SSH2: variants seen among roughly 807,000 people sequenced by gnomAD.
SSH2 encodes slingshot protein phosphatase 2.
In SSH2, 37 loss-of-function variants were observed where a neutral mutation model predicts 135.2. The observed-to-expected ratio is 0.27, with a 90% CI of 0.21 to 0.36. The LOEUF (loss-of-function observed/expected upper bound fraction) is 0.36. Ranked by LOEUF, SSH2 falls within the 10% of genes least tolerant of loss-of-function variation. The pLI is 1.00. For synonymous variants in SSH2, 628 were observed against 646.2 expected (o/e 0.97, Z 0.43); for missense variants, 1,408 against 1,765.3 (o/e 0.80, Z 3.63).
At chr17:29,678,713 CTTTTTTT>C (rs55889704) in intron 6 of SSH2, among the ~76,000 whole-genome samples, 3 of 112,066 alleles carry the variant, frequency 2.7e-5, no homozygotes, top group Admixed American at 1.1e-4. Context: ...AATACTATTT[CTTTTTTT>C]TTTTTTTTTT....
At chr17:29,874,707 T>C (rs1391721341) in intron 1 of SSH2, among the ~76,000 whole-genome samples, 2 of 152,204 alleles carry the variant, frequency 1.3e-5, no homozygotes, top group African/African-American at 2.4e-5. Context: ...TTACCTAGTC[T>C]TGGGTATGAC....
At chr17:29,887,110 T>C (rs149719285) in intron 1 of SSH2, among the ~76,000 whole-genome samples, 42 of 152,324 alleles carry the variant, frequency 2.8e-4, no homozygotes, top group African/African-American at 9.6e-4. Context: ...TTCAACATCA[T>C]GCAGCTTATA....
At chr17:29,699,336 G>C (rs1373604068) in intron 4 of SSH2, among the ~76,000 whole-genome samples, 1 of 152,114 alleles carries the variant, frequency 6.6e-6, no homozygotes, top group African/African-American at 2.4e-5. Flanking sequence ...CAAGAAACAT[G>C]CATAAGGAAG....
At chr17:29,884,378 T>C (rs1352116781) in intron 1 of SSH2, among the ~76,000 whole-genome samples, 2 of 152,214 alleles carry the variant, frequency 1.3e-5, no homozygotes, top group African/African-American at 2.4e-5. Flanking sequence ...GTCTGTCAAA[T>C]TCTCCTTTTC....
chr17:29,676,794 T>A, intron 8 of SSH2, 26 bp downstream of exon 8: 1 of 1,580,404 alleles, frequency 6.3e-7, no homozygotes, highest in Non-Finnish European at 8.7e-7. Flanking sequence ...AAAACACTTT[T>A]GTAGAGATAG....
intron 2 of SSH2, among the ~76,000 whole-genome samples, chr17:29,804,158 A>G (rs2042299305): frequency 6.6e-6 from 1 of 152,248 alleles, no homozygotes; most frequent in Non-Finnish European, 1.5e-5. Context: ...AAGTCAGAGG[A>G]TCCTGGAATA....
At chr17:29,708,504 C>T (rs1019469396) in intron 3 of SSH2, among the ~76,000 whole-genome samples, 4 of 150,438 alleles carry the variant, frequency 2.7e-5, no homozygotes, top group Non-Finnish European at 4.4e-5. Flanking sequence ...GCAAGAGAAT[C>T]ACTGGAACCT....
intron 3 of SSH2, among the ~76,000 whole-genome samples, chr17:29,755,833 TTG>T (rs1213048040): frequency 1.3e-5 from 2 of 150,956 alleles, no homozygotes; most frequent in Non-Finnish European, 3.0e-5. Flanking sequence ...GGCTAATTTT[TTG>T]TGTTTTTAGT....
At chr17:29,800,655 TTTAA>T (rs1248872134) in intron 2 of SSH2, among the ~76,000 whole-genome samples, 23 of 151,730 alleles carry the variant, frequency 1.5e-4, no homozygotes, top group African/African-American at 3.6e-4. Context: ...TTACTAAATG[TTTAA>T]TTAATTAAAC....
chr17:29,652,404 G>A (rs1035908496), intron 12 of SSH2, among the ~76,000 whole-genome samples: 2 of 152,098 alleles, frequency 1.3e-5, no homozygotes, highest in African/African-American at 4.8e-5. Flanking sequence ...GAAAAATGGA[G>A]GTGATTCCTG....
chr17:29,900,487 T>G (rs2066530194), intron 1 of SSH2, among the ~76,000 whole-genome samples: 2 of 152,198 alleles, frequency 1.3e-5, no homozygotes, highest in South Asian at 4.1e-4. Context: ...CAGATACTTC[T>G]CAAAAGAAGA....
intron 3 of SSH2, among the ~76,000 whole-genome samples, chr17:29,731,693 T>A: frequency 6.6e-6 from 1 of 152,116 alleles, no homozygotes; most frequent in East Asian, 1.9e-4. Flanking sequence ...TGGCCTCAAC[T>A]GATCTGTCCA....
chr17:29,763,371 C>A (rs1385636154), intron 3 of SSH2, among the ~76,000 whole-genome samples: 1 of 151,922 alleles, frequency 6.6e-6, no homozygotes, highest in Non-Finnish European at 1.5e-5. Context: ...CAGCAGCCAC[C>A]CAAATGGTAG....
chr17:29,770,582 C>T (rs2041560820), intron 3 of SSH2, among the ~76,000 whole-genome samples: 1 of 151,930 alleles, frequency 6.6e-6, no homozygotes, highest in Admixed American at 6.6e-5. Context: ...AAGCGATTCT[C>T]ATACCTCAGC....
At chr17:29,676,125 C>T (rs544496552) in intron 8 of SSH2, 2 of 152,164 alleles carry the variant, frequency 1.3e-5, no homozygotes, top group South Asian at 2.1e-4. Context: ...CATAAAGTAA[C>T]GAATGCTATC....
rs759093614 is a variant in SSH2 at position 29,684,651 on chromosome 17, T to C, written c.391A>G (p.Thr131Ala). 1 of 1,613,356 alleles carries C rather than the reference T, an allele frequency of 6.2e-7. No individual in the cohort carries two copies. Among genetic ancestry groups the C allele is most frequent in the Non-Finnish European group, 8.5e-7 (1 of 1,179,478 alleles). Residue 131 changes from threonine to alanine, a missense_variant, in exon 6 of 16, where the codon ACA becomes GCA. Physicochemically the swap from Thr to Ala is moderately conservative, Grantham distance 58. Coordinates refer to ENST00000540801, the MANE Select transcript of SSH2 (RefSeq NM_001282129.2). ...VRLESTYQNR[T>A]RYMVVVSTNG... ...GTTGAAACCACTACCATATAGCGTG[T>C]TCGATTCTGGTAAGTACTTTCCAGT... is the stretch of plus-strand genomic sequence containing the variant.
intron 6 of SSH2, among the ~76,000 whole-genome samples, chr17:29,680,931 G>A (rs900206165): frequency 3.9e-5 from 6 of 152,138 alleles, no homozygotes; most frequent in African/African-American, 1.2e-4. Flanking sequence ...AGCTGCAAAA[G>A]AGTGTGATCT....
intron 3 of SSH2, among the ~76,000 whole-genome samples, chr17:29,788,564 C>CTTT (rs940065380): frequency 1.3e-5 from 2 of 151,934 alleles, no homozygotes; most frequent in African/African-American, 2.4e-5. Flanking sequence ...CAATTTCTTT[C>CTTT]TTTTCTTTCT....
chr17:29,637,450 C>A (rs1285188770), intron 14 of SSH2, among the ~76,000 whole-genome samples: 1 of 152,110 alleles, frequency 6.6e-6, no homozygotes, highest in Non-Finnish European at 1.5e-5. Context: ...TTCCTTAATA[C>A]ATTTTTCTTG....
Sources: gnomAD v4.1 joint callset for allele counts (sites outside exome capture counted in the v4.1 genomes callset) on GRCh38, gnomAD v4.1.1 for gene constraint, MANE v1.5 for transcripts, NCBI Gene and HGNC (gene_info 2026-07-23, HGNC 2026-07-21) for gene names.